SHC3: variants seen among roughly 807,000 people sequenced by gnomAD.
SHC3 encodes the protein SHC adaptor protein 3.
Under a neutral mutation model 60.4 loss-of-function variants are expected in SHC3, and 15 were observed. That is an observed-to-expected ratio of 0.25 (90% CI 0.17 to 0.38). The LOEUF is 0.38. Ranked by LOEUF, SHC3 falls within the 10% of genes least tolerant of loss-of-function variation. The pLI, the probability that SHC3 is intolerant of heterozygous loss-of-function variation, is 1.00. For synonymous variants in SHC3, 294 were observed against 325.9 expected (o/e 0.90, Z 1.05); for missense variants, 677 against 786.1 (o/e 0.86, Z 1.66).
intron 1 of SHC3, among the ~76,000 whole-genome samples, chr9:89,172,666 A>T (rs574721969): frequency 4.1e-4 from 63 of 152,166 alleles, no homozygotes; most frequent in African/African-American, 1.2e-3. Context: ...CCCACCTTAA[A>T]GATATTATTT....
intron 1 of SHC3, among the ~76,000 whole-genome samples, chr9:89,116,688 A>G (rs921214926): frequency 2.1e-4 from 32 of 152,218 alleles, no homozygotes; most frequent in African/African-American, 7.5e-4. Flanking sequence ...GAACAGTATC[A>G]CTGAGTTATG....
intron 1 of SHC3, among the ~76,000 whole-genome samples, chr9:89,143,557 G>C (rs1340500485): frequency 2.0e-5 from 3 of 152,160 alleles, no homozygotes; most frequent in Non-Finnish European, 4.4e-5. Context: ...GTTTCAGAAG[G>C]TGAAGGGAGT....
At position 89,011,719 on chromosome 9, in the gene SHC3, G is replaced by A. The variant is rs1378567672; in HGVS notation, c.*1728C>T. ...GAAAACAGCAGTGCAGTCTACAGTAGTGTCAGACTCTCCAGAGTTTCAATC... is the reference window on the plus strand; with the variant it reads ...GAAAACAGCAGTGCAGTCTACAGTAATGTCAGACTCTCCAGAGTTTCAATC... On this transcript the variant is annotated 3_prime_UTR_variant, in exon 12 of 12. Transcript: ENST00000375835. 1.3e-5 allele frequency: 2 copies of A among 152,230 alleles called. No individual in the cohort carries two copies. Among genetic ancestry groups the A allele is most frequent in the Admixed American group, 1.3e-4 (2 of 15,282 alleles). 9.4% of individuals were successfully genotyped at this position (152,230 alleles called of 1,614,324 possible). A position where few individuals can be genotyped will look rare whatever the true frequency, so the allele number is the denominator to read the frequency against.
chr9:89,011,782 T>A lies in SHC3; in HGVS notation c.*1665A>T, dbSNP rs1826016125. ...TTCTAGAACACTGACTTCACTGTCA[T>A]CTCAAATTCACTGGACCCTCAAAGG... On this transcript the variant is annotated 3_prime_UTR_variant, in exon 12 of 12. Transcript: ENST00000375835. 6.6e-6 allele frequency: 1 copy of A among 152,358 alleles called. No homozygotes were observed. The highest frequency in any genetic ancestry group is 2.1e-4 in the South Asian group (1 of 4,832). The allele number at this position is 152,358 out of a possible 1,614,324, so 9.4% of individuals were successfully genotyped here.
intron 6 of SHC3, among the ~76,000 whole-genome samples, chr9:89,063,548 C>T (rs1415496007): frequency 6.6e-6 from 1 of 152,144 alleles, no homozygotes; most frequent in Non-Finnish European, 1.5e-5. Flanking sequence ...GCCCTACTTC[C>T]CAGAGGGATG....
At chr9:89,060,250 G>A (rs1825063654) in intron 6 of SHC3, among the ~76,000 whole-genome samples, 1 of 149,886 alleles carries the variant, frequency 6.7e-6, no homozygotes, top group South Asian at 2.1e-4. Flanking sequence ...GGACAAGGTA[G>A]AGGATGTGGT....
intron 2 of SHC3, among the ~76,000 whole-genome samples, chr9:89,086,104 T>C (rs1655761093): frequency 6.6e-6 from 1 of 152,196 alleles, no homozygotes; most frequent in African/African-American, 2.4e-5. Flanking sequence ...CCATCATCAA[T>C]ATCTCCATGG....
At chr9:89,048,521 T>G (rs1824810554) in intron 7 of SHC3, among the ~76,000 whole-genome samples, 1 of 151,926 alleles carries the variant, frequency 6.6e-6, no homozygotes, top group South Asian at 2.1e-4. Context: ...GAGTGGAGAA[T>G]GGGGAGTAAT....
chr9:89,043,254 T>C (rs1824716331), intron 9 of SHC3, among the ~76,000 whole-genome samples: 1 of 152,176 alleles, frequency 6.6e-6, no homozygotes, highest in South Asian at 2.1e-4. Context: ...TGAAGTGTCG[T>C]GCTAACATTC....
intron 2 of SHC3, among the ~76,000 whole-genome samples, chr9:89,086,000 T>C (rs1825523708): frequency 6.6e-6 from 1 of 152,288 alleles, no homozygotes; most frequent in African/African-American, 2.4e-5. Flanking sequence ...AGTGGGGGCT[T>C]TCTGTGAGGG....
In SHC3 at chr9:89,178,664, C is replaced by A. The variant is rs1826985907; in HGVS notation, c.-204G>T. 3 of 445,802 alleles carry A rather than the reference C, an allele frequency of 6.7e-6. No individual in the cohort carries two copies. Among genetic ancestry groups the A allele is most frequent in the Admixed American group, 4.4e-5 (1 of 22,694 alleles). 27.6% of individuals were successfully genotyped at this position (445,802 alleles called of 1,614,324 possible). On this transcript the variant is annotated 5_prime_UTR_variant, in exon 1 of 12. Transcript: ENST00000375835. The surrounding 1 kb of genome is among the most constrained non-coding windows in gnomAD (Gnocchi z 6.9). ...CCAGCACAGCGGCGGCCGCGCAGCC[C>A]CGGCCCGGGAGACCGCTGCTTGGGG...
chr9:89,057,431 T>C (rs1224058462), intron 6 of SHC3, among the ~76,000 whole-genome samples: 1 of 150,454 alleles, frequency 6.6e-6, no homozygotes, highest in Non-Finnish European at 1.5e-5. Context: ...ATTAAAGTAA[T>C]AAGGGTATAG....
chr9:89,036,213 G>A (rs1824575677), intron 11 of SHC3, among the ~76,000 whole-genome samples: 1 of 152,102 alleles, frequency 6.6e-6, no homozygotes, highest in Admixed American at 6.5e-5. Context: ...CAATCTGAAA[G>A]TCAAAAGAAA....
chr9:89,051,009 G>C (rs573267252), intron 7 of SHC3, among the ~76,000 whole-genome samples: 1 of 152,008 alleles, frequency 6.6e-6, no homozygotes, highest in South Asian at 2.1e-4. Context: ...TCCTGCAGAG[G>C]CACCTCCAAA....
chr9:89,089,947 A>G (rs1825595782), intron 2 of SHC3, among the ~76,000 whole-genome samples: 1 of 152,202 alleles, frequency 6.6e-6, no homozygotes, highest in African/African-American at 2.4e-5. Flanking sequence ...CCAGCTCTAG[A>G]GGAAAAACAC....
At chr9:89,115,444 C>T (rs577941527) in intron 1 of SHC3, among the ~76,000 whole-genome samples, 15 of 152,138 alleles carry the variant, frequency 9.9e-5, no homozygotes, top group South Asian at 6.2e-4. Context: ...ATACCACAAC[C>T]GCCAATGCTG....
chr9:89,132,520 C>T (rs1445127146), intron 1 of SHC3, among the ~76,000 whole-genome samples: 2 of 152,164 alleles, frequency 1.3e-5, no homozygotes, highest in Non-Finnish European at 2.9e-5. Context: ...TACTACAAGG[C>T]TACAGTAACC....
intron 4 of SHC3, among the ~76,000 whole-genome samples, chr9:89,074,652 A>G (rs951446755): frequency 1.4e-5 from 2 of 142,350 alleles, no homozygotes; most frequent in Non-Finnish European, 3.0e-5. Flanking sequence ...CTACAACACT[A>G]TGTACTACAA....
chr9:89,076,886 A>AG (rs1170079046), intron 3 of SHC3, among the ~76,000 whole-genome samples: 6 of 152,352 alleles, frequency 3.9e-5, no homozygotes, highest in African/African-American at 1.4e-4. Flanking sequence ...CTTTAAAAAA[A>AG]CAGACAATAG....
Sources: gnomAD v4.1 joint callset for allele counts (sites outside exome capture counted in the v4.1 genomes callset) on GRCh38, gnomAD v4.1.1 for gene constraint, Gnocchi (gnomAD v3.1) non-coding constraint, MANE v1.5 for transcripts, NCBI Gene and HGNC (gene_info 2026-07-23, HGNC 2026-07-21) for gene names.